The following ERBB4 variants were observed in gnomAD, a reference collection of about 807,000 sequenced individuals.
ERBB4 encodes erb-b2 receptor tyrosine kinase 4.
A neutral mutation model predicts 158.0 loss-of-function variants in ERBB4; 42 were observed. The ratio of observed to expected loss-of-function variants is 0.27; its 90% CI spans 0.21 to 0.34. The LOEUF is 0.34. Among genes scored for constraint, ERBB4 ranks in the 10% least tolerant of loss-of-function variants. The pLI, the probability that ERBB4 is intolerant of heterozygous loss-of-function variation, is 1.00. For synonymous variants in ERBB4, 583 were observed against 558.7 expected (o/e 1.04, Z -0.61); for missense variants, 1,333 against 1,624.1 (o/e 0.82, Z 3.08).
chr2:212,354,997 A>T (rs1474698584), intron 1 of ERBB4, among the ~76,000 whole-genome samples: 1 of 152,092 alleles, frequency 6.6e-6, no homozygotes, highest in Non-Finnish European at 1.5e-5. Flanking sequence ...GTAAGAGGGC[A>T]CATGTGACCT....
intron 1 of ERBB4, among the ~76,000 whole-genome samples, chr2:212,402,940 T>C (rs1278803426): frequency 6.6e-6 from 1 of 152,108 alleles, no homozygotes; most frequent in Non-Finnish European, 1.5e-5. Flanking sequence ...TTGTTATAAT[T>C]GTTTCCCATA....
chr2:212,384,591 C>G (rs2090612510), intron 1 of ERBB4, among the ~76,000 whole-genome samples: 1 of 151,510 alleles, frequency 6.6e-6, no homozygotes, highest in Non-Finnish European at 1.5e-5. Flanking sequence ...CAGCCTGAAG[C>G]CATTTAATAG....
At chr2:211,479,177 A>C (rs2125543495) in intron 20 of ERBB4, among the ~76,000 whole-genome samples, 1 of 152,216 alleles carries the variant, frequency 6.6e-6, no homozygotes, top group East Asian at 1.9e-4. Context: ...GGGTCTTAAA[A>C]ATGTAACTTT....
At chr2:211,912,615 T>C (rs1264246925) in intron 3 of ERBB4, among the ~76,000 whole-genome samples, 3 of 152,192 alleles carry the variant, frequency 2.0e-5, no homozygotes, top group Non-Finnish European at 4.4e-5. Flanking sequence ...AATTGAGATA[T>C]ACTAATGAAG....
At chr2:211,899,140 G>A (rs762472766) in intron 3 of ERBB4, among the ~76,000 whole-genome samples, 9 of 152,072 alleles carry the variant, frequency 5.9e-5, no homozygotes, top group Admixed American at 4.6e-4. Flanking sequence ...TTCAACAACC[G>A]TGGGATTCTT....
At chr2:211,865,497 T>C (rs965453674) in intron 3 of ERBB4, among the ~76,000 whole-genome samples, 8 of 152,296 alleles carry the variant, frequency 5.3e-5, no homozygotes, top group Middle Eastern at 3.4e-3. Flanking sequence ...TATTTTTATT[T>C]TTTTCTTGAG....
chr2:212,461,888 G>A (rs1202648512), intron 1 of ERBB4, among the ~76,000 whole-genome samples: 1 of 152,114 alleles, frequency 6.6e-6, no homozygotes. Flanking sequence ...AGTAGTTCCT[G>A]TGCACAAGCT....
At chr2:212,041,979 A>G (rs1438170659) in intron 2 of ERBB4, among the ~76,000 whole-genome samples, 7 of 152,098 alleles carry the variant, frequency 4.6e-5, no homozygotes, top group Admixed American at 3.9e-4. Flanking sequence ...CTGATGAGCA[A>G]TTAAATTATT....
intron 3 of ERBB4, among the ~76,000 whole-genome samples, chr2:211,852,872 C>T (rs894274094): frequency 6.6e-6 from 1 of 151,866 alleles, no homozygotes; most frequent in African/African-American, 2.4e-5. Flanking sequence ...TTCTCTGGAG[C>T]TATTACTGGC....
intron 3 of ERBB4, among the ~76,000 whole-genome samples, chr2:211,877,112 G>A (rs780759140): frequency 6.6e-6 from 1 of 152,292 alleles, no homozygotes; most frequent in Middle Eastern, 3.4e-3. Flanking sequence ...ACAATAAGAC[G>A]TAAGTGGAGG....
intron 1 of ERBB4, among the ~76,000 whole-genome samples, chr2:212,129,485 A>C (rs1206874385): frequency 9.9e-5 from 15 of 151,650 alleles, no homozygotes; most frequent in Admixed American, 9.9e-4. Context: ...ATAAGTTCTC[A>C]TTAATATTCA....
rs546622209 is a variant in ERBB4 at position 211,782,439 on chromosome 2, GCTC to G, written c.556+5583_556+5585del. ...ACCTAGCAGCTTAGCTGTCAGCTCA[GCTC>G]AGCTCAGCTCAGCTCTTGACACTCT... On this transcript the variant is annotated intron_variant, in intron 4 of 27. Coordinates refer to ENST00000342788, the MANE Select transcript of ERBB4 (RefSeq NM_005235.3). 2.8e-3 allele frequency among the ~76,000 whole-genome samples: 419 copies of G among 148,268 alleles called. 2 individuals are homozygous for G. The highest frequency in any genetic ancestry group is 1.0e-2 in the African/African-American group (411 of 41,212).
chr2:211,457,643 A>G (rs10221912), intron 20 of ERBB4, among the ~76,000 whole-genome samples: 14,204 of 152,194 alleles, frequency 0.093, 2,229 homozygotes, highest in African/African-American at 0.32. Flanking sequence ...TCGTGGAGGA[A>G]GAACTCTTAC....
chr2:212,287,327 CA>C, intron 1 of ERBB4, among the ~76,000 whole-genome samples: 1 of 152,266 alleles, frequency 6.6e-6, no homozygotes, highest in Non-Finnish European at 1.5e-5. Context: ...CAGTGAGCAA[CA>C]CTTATTTTTC....
intron 1 of ERBB4, among the ~76,000 whole-genome samples, chr2:212,313,413 T>C (rs927849410): frequency 1.3e-5 from 2 of 150,996 alleles, no homozygotes; most frequent in African/African-American, 2.4e-5. Context: ...TCATATATTT[T>C]ATATATCTCA....
intron 1 of ERBB4, among the ~76,000 whole-genome samples, chr2:212,416,053 T>C (rs1180282458): frequency 1.3e-5 from 2 of 152,106 alleles, no homozygotes; most frequent in African/African-American, 4.8e-5. Context: ...TGTAATTACA[T>C]ACCCACAAAG....
chr2:211,877,736 T>C (rs148553323), intron 3 of ERBB4, among the ~76,000 whole-genome samples: 23 of 152,340 alleles, frequency 1.5e-4, no homozygotes, highest in Middle Eastern at 3.4e-3. Flanking sequence ...TAACTACTTA[T>C]TATTTTGGGT....
chr2:212,199,059 T>G (rs2082516250), intron 1 of ERBB4, among the ~76,000 whole-genome samples: 1 of 152,164 alleles, frequency 6.6e-6, no homozygotes, highest in Non-Finnish European at 1.5e-5. Context: ...TTAATTTGTT[T>G]TTGGGGAATC....
At chr2:212,109,208 G>GAAAATACAAGGT (rs2079326209) in intron 2 of ERBB4, among the ~76,000 whole-genome samples, 1 of 151,990 alleles carries the variant, frequency 6.6e-6, no homozygotes, top group Non-Finnish European at 1.5e-5. Context: ...CCAATGGCCC[G>GAAAATACAAGGT]GTTCCTAGAA....
Sources: gnomAD v4.1 joint callset for allele counts (sites outside exome capture counted in the v4.1 genomes callset) on GRCh38, gnomAD v4.1.1 for gene constraint, MANE v1.5 for transcripts, NCBI Gene and HGNC (gene_info 2026-07-23, HGNC 2026-07-21) for gene names.